The following CARS1 variants were observed in gnomAD, a reference collection of about 807,000 sequenced individuals.
CARS1 encodes the protein cysteine--tRNA ligase, cytoplasmic.
A neutral mutation model predicts 106.2 loss-of-function variants in CARS1; 48 were observed. The observed-to-expected ratio is 0.45, with a 90% CI of 0.36 to 0.57. The LOEUF is 0.57. Ranked by LOEUF, CARS1 falls within the 20% of genes least tolerant of loss-of-function variation. The pLI, the probability that CARS1 is intolerant of heterozygous loss-of-function variation, is 0.00. For missense variants in CARS1, 968 were observed against 1,057.2 expected, an observed-to-expected ratio of 0.92 and a Z score of 1.17; for synonymous variants, 409 against 403.4, an observed-to-expected ratio of 1.01 and a Z score of -0.17.
Position 3,038,498 on chromosome 11 carries a change from T to C in CARS1, c.652-299A>G, listed in dbSNP as rs1418291755. On this transcript the variant is annotated intron_variant, in intron 6 of 22. Coordinates refer to ENST00000380525, the MANE Select transcript of CARS1 (RefSeq NM_001014437.3). This position sits in a 1 kb window ranked among gnomAD's most constrained non-coding sequence, Gnocchi z 4.0. The stretch of plus-strand genomic sequence containing the variant: ...AGTATTTCTAGGGCTGTTCTGGGGA[T>C]GAGGAAAAGTAGGCCACCCAGTGTG... Among the ~76,000 whole-genome samples the C allele has an allele frequency of 6.6e-6, 1 of 152,144 alleles. No homozygotes were observed. The highest frequency in any genetic ancestry group is 1.9e-4 in the East Asian group (1 of 5,194).
chr11:3,040,971 G>A lies in CARS1; in HGVS notation c.380C>T (p.Pro127Leu). The change falls in exon 4 of 23, where the codon CCT becomes CTT. Residue 127 changes from proline to leucine, a missense_variant. Coordinates refer to ENST00000380525, the MANE Select transcript of CARS1 (RefSeq NM_001014437.3). The surrounding 1 kb of genome is among the most constrained non-coding windows in gnomAD (Gnocchi z 5.8). ...CCACGTCACCTTTTTCCCATCTTGAGGTATGAACACTTCCTTTGTTAGGAA... is the reference window on the plus strand; with the variant it reads ...CCACGTCACCTTTTTCCCATCTTGAAGTATGAACACTTCCTTTGTTAGGAA... ...SLTRNKEVFI[P>L]QDGKKVTWYC... The A allele has an allele frequency of 1.2e-6, 2 of 1,614,098 alleles. No individual in the cohort carries two copies. Among genetic ancestry groups the A allele is most frequent in the Non-Finnish European group, 1.7e-6 (2 of 1,179,982 alleles).
rs1854152711 is a variant in CARS1 at position 3,039,572 on chromosome 11, T to A, written c.552+263A>T. ...GCAAGCCACATGTCGAAGTGCGTGC[T>A]GTGGGAGGCCTTCCTTCTGCAAAAC... On this transcript the variant is annotated intron_variant, in intron 5 of 22. Transcript: ENST00000380525. This position sits in a 1 kb window ranked among gnomAD's most constrained non-coding sequence, Gnocchi z 5.6. 6.6e-6 allele frequency among the ~76,000 whole-genome samples: 1 copy of A among 152,242 alleles called. No homozygotes were observed.
intron 9 of CARS1, chr11:3,027,628 G>C (rs930006793): frequency 7.9e-5 from 16 of 202,188 alleles, no homozygotes; most frequent in Non-Finnish European, 1.4e-4. Context: ...AATAATCCTC[G>C]CTCTATAATC....
At chr11:3,051,401 A>G (rs395188) in intron 1 of CARS1, among the ~76,000 whole-genome samples, 69,803 of 152,000 alleles carry the variant, frequency 0.46, 17,183 homozygotes, top group East Asian at 0.67. Flanking sequence ...CTCTGAGAAG[A>G]AGGAGGCTGC....
At position 3,037,780 on chromosome 11, in the gene CARS1, C is replaced by G. The variant is rs369344931; in HGVS notation, c.801+270G>C. ...CGTTCCAAGTGCACCTCCTGCCTATCTGATGGAAGTGGTGGGAGGGTGTGG... is the reference window on the plus strand; with the variant it reads ...CGTTCCAAGTGCACCTCCTGCCTATGTGATGGAAGTGGTGGGAGGGTGTGG... On this transcript the variant is annotated intron_variant, in intron 7 of 22. Transcript: ENST00000380525. This position sits in a 1 kb window ranked among gnomAD's most constrained non-coding sequence, Gnocchi z 5.9. Among the ~76,000 whole-genome samples the G allele has an allele frequency of 1.4e-4, 22 of 152,282 alleles. No homozygotes were observed. Among genetic ancestry groups the G allele is most frequent in the African/African-American group, 5.3e-4 (22 of 41,556 alleles).
Position 3,021,212 on chromosome 11 carries a change from A to G in CARS1, c.1154-880T>C, listed in dbSNP as rs1851542217. Among the ~76,000 whole-genome samples, 1 of 152,216 alleles carries G rather than the reference A, an allele frequency of 6.6e-6. No individual in the cohort carries two copies. The highest frequency in any genetic ancestry group is 6.5e-5 in the Admixed American group (1 of 15,292). On this transcript the variant is annotated intron_variant, in intron 10 of 22. Transcript: ENST00000380525. The surrounding 1 kb of genome is among the most constrained non-coding windows in gnomAD (Gnocchi z 5.3). ...TGGAAAAGATTAGCTGCTGTGAATAAAGAAACCTGTGAGCCAGTCCAAAGG... is the reference window on the plus strand; with the variant it reads ...TGGAAAAGATTAGCTGCTGTGAATAGAGAAACCTGTGAGCCAGTCCAAAGG...
At chr11:3,005,103 G>C (rs1195834416) in intron 20 of CARS1, among the ~76,000 whole-genome samples, 1 of 79,982 alleles carries the variant, frequency 1.3e-5, no homozygotes, top group Non-Finnish European at 2.2e-5. Context: ...GTGAGACTCC[G>C]TCTCAAAAAA....
At position 3,051,840 on chromosome 11, in the gene CARS1, G is replaced by A. The variant is rs1055981206; in HGVS notation, c.26-3839C>T. Among the ~76,000 whole-genome samples the A allele has an allele frequency of 2.0e-5, 3 of 152,132 alleles. No homozygotes were observed. The South Asian group carries it at 6.2e-4, about 32-fold the overall frequency. On this transcript the variant is annotated intron_variant, in intron 1 of 22. Coordinates refer to ENST00000380525, the MANE Select transcript of CARS1 (RefSeq NM_001014437.3). ...TTCTGCAACTGCTCATGCCTGGGTT[G>A]GACTCCACGACAGCAAGAGGGAAGA... is the stretch of plus-strand genomic sequence containing the variant.
At chr11:3,056,381 G>A (rs1856201074) in intron 1 of CARS1, among the ~76,000 whole-genome samples, 1 of 152,220 alleles carries the variant, frequency 6.6e-6, no homozygotes, top group South Asian at 2.1e-4. Flanking sequence ...TGGGCTTTCT[G>A]ATTCAGTCTC....
chr11:3,019,807 A>C lies in CARS1; in HGVS notation c.1266+413T>G, dbSNP rs1469758244. On this transcript the variant is annotated intron_variant, in intron 11 of 22. Coordinates refer to ENST00000380525, the MANE Select transcript of CARS1 (RefSeq NM_001014437.3). This position sits in a 1 kb window ranked among gnomAD's most constrained non-coding sequence, Gnocchi z 6.2. ...GGTGAAGTTACTGAATTACATCCAG[A>C]CCTCTGAGCCCTTGACAGCTGCAGA... 6.6e-5 allele frequency among the ~76,000 whole-genome samples: 10 copies of C among 151,960 alleles called. No homozygotes were observed. The highest frequency in any genetic ancestry group is 5.2e-4 in the Admixed American group (8 of 15,270).
intron 7 of CARS1, among the ~76,000 whole-genome samples, chr11:3,033,474 G>T (rs900898229): frequency 6.6e-6 from 1 of 152,096 alleles, no homozygotes; most frequent in Non-Finnish European, 1.5e-5. Context: ...AGTAATTCTA[G>T]ATAATTAACT....
chr11:3,013,015 G>A (rs1436981038), intron 17 of CARS1, among the ~76,000 whole-genome samples: 2 of 149,538 alleles, frequency 1.3e-5, no homozygotes, highest in African/African-American at 2.5e-5. Flanking sequence ...TCAGCCTCCC[G>A]AGTAGCTGGG....
chr11:3,011,983 G>A (rs919812553), intron 18 of CARS1, among the ~76,000 whole-genome samples: 8 of 152,356 alleles, frequency 5.3e-5, no homozygotes, highest in East Asian at 1.9e-4. Context: ...TGCCCTGCAG[G>A]GACATGTGGG....
intron 7 of CARS1, chr11:3,031,503 AATG>A (rs1852758751): frequency 6.6e-6 from 1 of 152,252 alleles, no homozygotes; most frequent in South Asian, 2.1e-4. Context: ...ATAAATACAA[AATG>A]ATAAGAGACT....
chr11:3,056,448 G>C (rs765816560), intron 1 of CARS1, among the ~76,000 whole-genome samples: 4 of 152,306 alleles, frequency 2.6e-5, no homozygotes, highest in Middle Eastern at 3.4e-3. Context: ...GAACCCACTG[G>C]TCTCTCAAGG....
chr11:3,006,401 G>A (rs904549525), intron 19 of CARS1, among the ~76,000 whole-genome samples: 3 of 152,226 alleles, frequency 2.0e-5, no homozygotes, highest in South Asian at 2.1e-4. Flanking sequence ...AGCCGAGATC[G>A]CGCCACTGTA....
intron 1 of CARS1, among the ~76,000 whole-genome samples, chr11:3,055,254 G>A (rs1856084263): frequency 6.6e-6 from 1 of 152,134 alleles, no homozygotes; most frequent in African/African-American, 2.4e-5. Context: ...TCCGCCTCCT[G>A]GGTTCACATC....
At position 3,039,443 on chromosome 11, in the gene CARS1, T is replaced by C; in HGVS notation, c.553-151A>G. ...CCCGGACGTGCACACCATCATCAAA[T>C]AGAAACACCACCCTCCATCTCCCAC... On this transcript the variant is annotated intron_variant, in intron 5 of 22. Coordinates refer to ENST00000380525, the MANE Select transcript of CARS1 (RefSeq NM_001014437.3). The surrounding 1 kb of genome is among the most constrained non-coding windows in gnomAD (Gnocchi z 5.6). 1.6e-6 allele frequency: 1 copy of C among 607,948 alleles called. No individual in the cohort carries two copies. The highest frequency in any genetic ancestry group is 1.9e-5 in the African/African-American group (1 of 53,732). 37.7% of individuals were successfully genotyped at this position (607,948 alleles called of 1,614,324 possible). A position where few individuals can be genotyped will look rare whatever the true frequency, so the allele number is the denominator to read the frequency against.
rs1278439818 is a variant in CARS1, at chr11:3,047,895, G to A, written c.132C>T (p.Ser44=). ...TRSYVQGYSL[S]QADVDAFRQL... ...GCCTGAACGCGTCCACGTCTGCCTG[G>A]GACAGTGAGTACCCCTGGACATAGC... The change falls in exon 2 of 23, where the codon TCC becomes TCT. Residue 44 remains serine, a synonymous_variant. Coordinates refer to ENST00000380525, the MANE Select transcript of CARS1 (RefSeq NM_001014437.3). The A allele has an allele frequency of 2.5e-6, 4 of 1,614,026 alleles. No individual in the cohort carries two copies. Among genetic ancestry groups the A allele is most frequent in the East Asian group, 2.2e-5 (1 of 44,884 alleles).
Sources: gnomAD v4.1 joint callset for allele counts (sites outside exome capture counted in the v4.1 genomes callset) on GRCh38, gnomAD v4.1.1 for gene constraint, Gnocchi (gnomAD v3.1) non-coding constraint, MANE v1.5 for transcripts, NCBI Gene and HGNC (gene_info 2026-07-23, HGNC 2026-07-21) for gene names.